The following AUTS2 variants were observed in gnomAD, a reference collection of about 807,000 sequenced individuals.
AUTS2 encodes activator of transcription and developmental regulator AUTS2.
AUTS2 carries 17 observed loss-of-function variants against 112.4 expected under a neutral mutation model. The observed-to-expected ratio is 0.15, with a 90% CI of 0.10 to 0.23. The LOEUF is 0.23. AUTS2 is among the 10% of genes least tolerant of loss of function. The pLI, the probability that AUTS2 is intolerant of heterozygous loss-of-function variation, is 1.00. For missense variants in AUTS2, 1,510 were observed against 1,701.6 expected (o/e 0.89, Z 1.98); for synonymous variants, 751 against 702.7 (o/e 1.07, Z -1.09).
chr7:69,791,937 C>A (rs1034126750), intron 1 of AUTS2, among the ~76,000 whole-genome samples: 7 of 152,150 alleles, frequency 4.6e-5, no homozygotes, highest in African/African-American at 1.4e-4. Flanking sequence ...ATGTGGCCTG[C>A]AGGCTCTGTA....
At chr7:70,728,376 A>C (rs1787155187) in intron 6 of AUTS2, among the ~76,000 whole-genome samples, 1 of 151,886 alleles carries the variant, frequency 6.6e-6, no homozygotes, top group South Asian at 2.1e-4. Flanking sequence ...GGTCAGAAAG[A>C]CCCTTACCAG....
At chr7:70,493,263 G>C (rs1272380480) in intron 5 of AUTS2, among the ~76,000 whole-genome samples, 1 of 152,182 alleles carries the variant, frequency 6.6e-6, no homozygotes, top group East Asian at 1.9e-4. Flanking sequence ...GAGCTCCTTG[G>C]GGGAATACAT....
At chr7:69,798,419 TC>T (rs575176456) in intron 1 of AUTS2, among the ~76,000 whole-genome samples, 1 of 152,180 alleles carries the variant, frequency 6.6e-6, no homozygotes, top group African/African-American at 2.4e-5. Flanking sequence ...TTCTTTCAGT[TC>T]CATATGCCTT....
chr7:70,612,760 A>C (rs994312829), intron 5 of AUTS2, among the ~76,000 whole-genome samples: 48 of 152,192 alleles, frequency 3.2e-4, no homozygotes, highest in African/African-American at 1.1e-3. Context: ...GTTCTGTCCT[A>C]AGTGGGTTAG....
intron 6 of AUTS2, among the ~76,000 whole-genome samples, chr7:70,703,490 CAAAAAAAAA>C (rs57223380): frequency 2.0e-5 from 2 of 98,640 alleles, no homozygotes; most frequent in Admixed American, 1.2e-4. Context: ...GACACCATTT[CAAAAAAAAA>C]AAAAAAAAAA....
intron 6 of AUTS2, among the ~76,000 whole-genome samples, chr7:70,755,081 G>GT (rs1789110186): frequency 6.6e-6 from 1 of 152,026 alleles, no homozygotes; most frequent in South Asian, 2.1e-4. Context: ...ATAATACCCA[G>GT]TTAGAACCAG....
intron 2 of AUTS2, among the ~76,000 whole-genome samples, chr7:70,063,647 A>G (rs1454701901): frequency 5.3e-5 from 8 of 152,208 alleles, no homozygotes; most frequent in Admixed American, 5.2e-4. Context: ...CTAACACAGC[A>G]GTGGCAGTGT....
At chr7:69,946,039 G>A (rs550612690) in intron 2 of AUTS2, among the ~76,000 whole-genome samples, 7 of 152,076 alleles carry the variant, frequency 4.6e-5, no homozygotes, top group Non-Finnish European at 1.0e-4. Context: ...TAGTGACAGG[G>A]TCACACTATA....
chr7:70,440,226 T>TAAA (rs768717430), intron 5 of AUTS2, among the ~76,000 whole-genome samples: 1,119 of 92,786 alleles, frequency 0.012, 14 homozygotes, highest in Middle Eastern at 0.067. Context: ...GCCCTGTCTC[T>TAAA]AAAAAAAAAA....
chr7:70,179,462 G>A (rs2129580447), intron 4 of AUTS2, among the ~76,000 whole-genome samples: 1 of 152,248 alleles, frequency 6.6e-6, no homozygotes, highest in Middle Eastern at 3.4e-3. Context: ...CTCCAGCAGT[G>A]TCACCTGCTA....
intron 5 of AUTS2, among the ~76,000 whole-genome samples, chr7:70,682,089 G>C (rs1263820700): frequency 6.6e-6 from 1 of 152,212 alleles, no homozygotes. Context: ...CTCTGAGTGT[G>C]TGGAGGAGAG....
chr7:69,607,197 T>C (rs772267767), intron 1 of AUTS2, among the ~76,000 whole-genome samples: 3 of 152,200 alleles, frequency 2.0e-5, no homozygotes, highest in Non-Finnish European at 4.4e-5. Flanking sequence ...TGCAAGGGGC[T>C]CTGGACCCTG....
At position 70,513,748 on chromosome 7, in the gene AUTS2, C is replaced by T. The variant is rs567653251; in HGVS notation, c.690+77967C>T. Among the ~76,000 whole-genome samples, 10 of 151,408 alleles carry T rather than the reference C, an allele frequency of 6.6e-5. No individual in the cohort carries two copies. In the South Asian group the frequency reaches 2.1e-3, roughly 32 times the overall value. ...CAATCTCGGCTCACTGCAACCTCTG[C>T]TCCTGGATTCAAGTGATTCGCATGT... On this transcript the variant is annotated intron_variant, in intron 5 of 18. Transcript: ENST00000342771.
At chr7:70,448,485 C>T (rs1411822960) in intron 5 of AUTS2, among the ~76,000 whole-genome samples, 1 of 152,184 alleles carries the variant, frequency 6.6e-6, no homozygotes, top group Non-Finnish European at 1.5e-5. Context: ...ACACATTGAT[C>T]TTCCCTGCTA....
intron 1 of AUTS2, among the ~76,000 whole-genome samples, chr7:69,873,717 G>A (rs1194776874): frequency 6.6e-6 from 1 of 152,160 alleles, no homozygotes; most frequent in African/African-American, 2.4e-5. Context: ...TCTATCCTAA[G>A]GGAATGACTC....
intron 2 of AUTS2, among the ~76,000 whole-genome samples, chr7:70,104,674 T>C (rs899351003): frequency 6.6e-6 from 1 of 152,242 alleles, no homozygotes. Context: ...GTGTTTCTTG[T>C]CTTTTTTTGA....
chr7:69,942,553 A>C (rs1796666121), intron 2 of AUTS2, among the ~76,000 whole-genome samples: 1 of 152,148 alleles, frequency 6.6e-6, no homozygotes, highest in Non-Finnish European at 1.5e-5. Context: ...TACTGGAAAG[A>C]AAGCCCGCTA....
At chr7:70,693,615 T>G (rs1273328434) in intron 5 of AUTS2, among the ~76,000 whole-genome samples, 3 of 152,236 alleles carry the variant, frequency 2.0e-5, no homozygotes, top group African/African-American at 7.2e-5. Flanking sequence ...ATGCAATGAT[T>G]ATTTTGTATT....
At chr7:70,217,912 A>G (rs1025323295) in intron 4 of AUTS2, among the ~76,000 whole-genome samples, 1 of 152,166 alleles carries the variant, frequency 6.6e-6, no homozygotes, top group Non-Finnish European at 1.5e-5. Context: ...TCCTACAGAA[A>G]ATTTCTTAAG....
Sources: allele counts gnomAD v4.1 joint callset (sites outside exome capture counted in the v4.1 genomes callset), GRCh38; gene constraint gnomAD v4.1.1; transcripts MANE v1.5; gene names NCBI Gene and HGNC (gene_info 2026-07-23, HGNC 2026-07-21).